RIPOR2: variants seen among roughly 807,000 people sequenced by gnomAD.
RIPOR2 encodes the protein RHO family interacting cell polarization regulator 2, also known as rho family-interacting cell polarization regulator 2.
A neutral mutation model predicts 114.5 loss-of-function variants in RIPOR2; 39 were observed. That is an observed-to-expected ratio of 0.34 (90% CI 0.26 to 0.44). RIPOR2 has a LOEUF of 0.44. RIPOR2 is among the 20% of genes least tolerant of loss of function. The probability of loss-of-function intolerance (pLI) is 1.00; values close to 1 mark genes in which losing one functional copy is unlikely to be tolerated. For synonymous variants in RIPOR2, 445 were observed against 484.4 expected, an observed-to-expected ratio of 0.92 and a Z score of 1.07; for missense variants, 1,007 against 1,255.1, an observed-to-expected ratio of 0.80 and a Z score of 2.99.
chr6:24,818,766 C>G lies in RIPOR2; in HGVS notation c.2869-141G>C, dbSNP rs1759408795. On this transcript the variant is annotated intron_variant, in intron 19 of 21. Coordinates refer to ENST00000643898, the MANE Select transcript of RIPOR2 (RefSeq NM_001286445.3). The stretch of plus-strand genomic sequence containing the variant: ...TACCTTCAGAGCAAGAAAAAAAAAG[C>G]CATTGAAATTCATATTAATTAAAAG... 5 of 445,856 alleles carry G rather than the reference C, an allele frequency of 1.1e-5. No individual in the cohort carries two copies. The Admixed American group carries it at 1.2e-4, about 10-fold the overall frequency. 27.6% of individuals were successfully genotyped at this position (445,856 alleles called of 1,614,324 possible).
chr6:24,810,809 CT>C (rs1378591953), intron 20 of RIPOR2, among the ~76,000 whole-genome samples: 4 of 151,072 alleles, frequency 2.6e-5, no homozygotes, highest in East Asian at 1.9e-4. Context: ...ACAGCTGTTT[CT>C]TTTTTTTTCT....
At position 24,834,137 on chromosome 6, in the gene RIPOR2, G is replaced by C. The variant is rs115267557; in HGVS notation, c.2208+1566C>G. On this transcript the variant is annotated intron_variant, in intron 15 of 21. Transcript: ENST00000643898. ...AGATTGGTTATCAGTCTCATGGTTTGTGAGACCTTTGTGGTTTTTGACCTC... is the reference window on the plus strand; with the variant it reads ...AGATTGGTTATCAGTCTCATGGTTTCTGAGACCTTTGTGGTTTTTGACCTC... Among the ~76,000 whole-genome samples the C allele has an allele frequency of 3.6e-3, 540 of 152,044 alleles. 2 individuals carry two copies. Among genetic ancestry groups the C allele is most frequent in the African/African-American group, 0.012 (502 of 41,486 alleles).
At chr6:25,009,497 C>T (rs1775692653) in intron 1 of RIPOR2, among the ~76,000 whole-genome samples, 1 of 152,148 alleles carries the variant, frequency 6.6e-6, no homozygotes, top group Non-Finnish European at 1.5e-5. Flanking sequence ...GAAATGTTTC[C>T]TCCATTTTAA....
intron 1 of RIPOR2, among the ~76,000 whole-genome samples, chr6:24,986,516 C>T (rs1485670580): frequency 6.6e-6 from 1 of 151,832 alleles, no homozygotes; most frequent in Non-Finnish European, 1.5e-5. Context: ...TAATAAAGAC[C>T]AACCAAATAA....
At chr6:24,966,879 C>T (rs142790854) in intron 1 of RIPOR2, among the ~76,000 whole-genome samples, 68 of 152,188 alleles carry the variant, frequency 4.5e-4, no homozygotes, top group Admixed American at 7.2e-4. Flanking sequence ...GCAGAGTATC[C>T]GCTATATGAT....
chr6:24,935,263 G>C (rs1423843362), intron 1 of RIPOR2, among the ~76,000 whole-genome samples: 1 of 138,868 alleles, frequency 7.2e-6, no homozygotes, highest in East Asian at 2.1e-4. Flanking sequence ...AGCTGAGATT[G>C]CACCACTGCA....
intron 8 of RIPOR2, among the ~76,000 whole-genome samples, chr6:24,854,208 T>A (rs1216274494): frequency 2.0e-5 from 3 of 151,590 alleles, no homozygotes; most frequent in African/African-American, 7.3e-5. Context: ...CAGAAGGAGA[T>A]CTTTGCTTTT....
chr6:24,842,191 G>A (rs1465403961), intron 13 of RIPOR2, among the ~76,000 whole-genome samples: 1 of 152,152 alleles, frequency 6.6e-6, no homozygotes, highest in African/African-American at 2.4e-5. Context: ...GGTGGAGACA[G>A]ATACATTCTG....
chr6:24,902,690 C>T (rs534679053), intron 1 of RIPOR2, among the ~76,000 whole-genome samples: 3 of 152,278 alleles, frequency 2.0e-5, no homozygotes, highest in Admixed American at 6.5e-5. Context: ...AACTAAACTC[C>T]TTCTCAATGG....
chr6:24,876,836 T>C (rs974953020), intron 1 of RIPOR2: 6 of 339,914 alleles, frequency 1.8e-5, no homozygotes, highest in Non-Finnish European at 2.5e-5. Context: ...CAAGAAGCAT[T>C]GTCAAAACAC....
chr6:24,855,557 C>T (rs1489360421), intron 8 of RIPOR2, among the ~76,000 whole-genome samples: 1 of 152,210 alleles, frequency 6.6e-6, no homozygotes, highest in Non-Finnish European at 1.5e-5. Flanking sequence ...AGGCTGTTCC[C>T]ACACAAAGAC....
At chr6:25,025,439 G>A (rs1776565980) in intron 1 of RIPOR2, among the ~76,000 whole-genome samples, 1 of 151,994 alleles carries the variant, frequency 6.6e-6, no homozygotes, top group Non-Finnish European at 1.5e-5. Context: ...GCGTGACGAG[G>A]CTTTTTTAGG....
At chr6:24,918,270 T>A (rs1357608422) in intron 1 of RIPOR2, among the ~76,000 whole-genome samples, 1 of 152,232 alleles carries the variant, frequency 6.6e-6, no homozygotes, top group Non-Finnish European at 1.5e-5. Context: ...GAGGGAGCCG[T>A]CAGCTTCCTG....
intron 1 of RIPOR2, among the ~76,000 whole-genome samples, chr6:24,982,138 T>C (rs141120440): frequency 2.8e-4 from 43 of 152,322 alleles, no homozygotes; most frequent in African/African-American, 9.6e-4. Flanking sequence ...TTTTAAGTAA[T>C]AAAAGAAAAC....
chr6:24,862,215 G>A (rs1386038667), intron 7 of RIPOR2, among the ~76,000 whole-genome samples: 1 of 152,242 alleles, frequency 6.6e-6, no homozygotes, highest in Non-Finnish European at 1.5e-5. Context: ...CCCTTCTGCT[G>A]CTTGACCAGC....
chr6:24,808,371 TTAAAC>T (rs1234845890), intron 21 of RIPOR2, among the ~76,000 whole-genome samples: 1 of 152,222 alleles, frequency 6.6e-6, no homozygotes, highest in African/African-American at 2.4e-5. Context: ...ATAAAGGAGT[TTAAAC>T]TAATAATACC....
intron 1 of RIPOR2, among the ~76,000 whole-genome samples, chr6:24,978,501 A>G (rs1207673276): frequency 2.0e-5 from 3 of 152,176 alleles, no homozygotes; most frequent in Non-Finnish European, 4.4e-5. Flanking sequence ...AATGGCCAAG[A>G]AAAGATGTCC....
intron 1 of RIPOR2, among the ~76,000 whole-genome samples, chr6:24,973,225 T>C (rs1773871572): frequency 6.6e-6 from 1 of 152,190 alleles, no homozygotes; most frequent in Admixed American, 6.5e-5. Flanking sequence ...TTTGCCACTA[T>C]AGAAAGCAGT....
chr6:25,023,049 A>C (rs979088773), intron 1 of RIPOR2, among the ~76,000 whole-genome samples: 3 of 151,732 alleles, frequency 2.0e-5, no homozygotes, highest in Non-Finnish European at 1.5e-5. Context: ...GCTACCCACC[A>C]CAGCTGCCCC....
Sources: allele counts gnomAD v4.1 joint callset (sites outside exome capture counted in the v4.1 genomes callset), GRCh38; gene constraint gnomAD v4.1.1; transcripts MANE v1.5; gene names NCBI Gene and HGNC (gene_info 2026-07-23, HGNC 2026-07-21).